The following CDHR1 variants were observed in gnomAD, a reference collection of about 807,000 sequenced individuals.
CDHR1 encodes cadherin related family member 1, also known as cadherin-related family member 1.
CDHR1 carries 61 observed loss-of-function variants against 72.1 expected under a neutral mutation model. That is an observed-to-expected ratio of 0.85 (90% CI 0.69 to 1.05). The LOEUF (loss-of-function observed/expected upper bound fraction) is 1.05. CDHR1 is among the 50% of genes least tolerant of loss of function. CDHR1 has a pLI of 0.00. For missense variants in CDHR1, 1,186 were observed against 1,115.7 expected, an observed-to-expected ratio of 1.06 and a Z score of -0.90; for synonymous variants, 470 against 448.1, an observed-to-expected ratio of 1.05 and a Z score of -0.62.
At position 84,218,012 on chromosome 10, in the gene CDHR1, T is replaced by C; in HGVS notation, c.*3391T>C. The C allele has an allele frequency of 1.0e-6, 1 of 985,484 alleles. No homozygotes were observed. The highest frequency in any genetic ancestry group is 1.2e-6 in the Non-Finnish European group (1 of 829,948). 61.0% of individuals were successfully genotyped at this position (985,484 alleles called of 1,614,324 possible). ...TTCTCTAAGGATTTCGGTGATTCTA[T>C]TTTTAGGGACTGAAGGCGTTGAGGG... On this transcript the variant is annotated 3_prime_UTR_variant, in exon 17 of 17. Coordinates refer to ENST00000623527, the MANE Select transcript of CDHR1 (RefSeq NM_033100.4).
chr10:84,208,360 G>T lies in CDHR1; in HGVS notation c.1150G>T (p.Val384Phe), dbSNP rs150475580. 3.7e-6 allele frequency: 6 copies of T among 1,614,134 alleles called. No individual in the cohort carries two copies. The South Asian group carries it at 6.6e-5, about 18-fold the overall frequency. ...GATCCTGCGGGGCCTCAAGATCACCGTCAATGACTCCGACCAGGTGTGTGG... is the reference window on the plus strand; with the variant it reads ...GATCCTGCGGGGCCTCAAGATCACCTTCAATGACTCCGACCAGGTGTGTGG... The part of the protein sequence containing the change: ...GEILRGLKIT[V>F]NDSDQGANAK... The change falls in exon 11 of 17, where the codon GTC becomes TTC. Residue 384 changes from valine to phenylalanine, a missense_variant. Val to Phe is a conservative substitution (Grantham distance 50). Transcript: ENST00000623527.
chr10:84,214,944 A>C lies in CDHR1; in HGVS notation c.*323A>C. On this transcript the variant is annotated 3_prime_UTR_variant, in exon 17 of 17. Transcript: ENST00000623527. ...GAATTGACGAGAAGCCAGCTCACCC[A>C]TCCCAGACCTCACAGTCCCTCAGGT... 6 of 1,269,768 alleles carry C rather than the reference A, an allele frequency of 4.7e-6. No individual in the cohort carries two copies. The highest frequency in any genetic ancestry group is 3.5e-5 in the Admixed American group (1 of 28,828). The allele number at this position is 1,269,768 out of a possible 1,614,324, so 78.7% of individuals were successfully genotyped here. A position where few individuals can be genotyped will look rare whatever the true frequency, so the allele number is the denominator to read the frequency against.
Position 84,196,666 on chromosome 10 carries a change from G to A in CDHR1, c.297+16G>A. The A allele has an allele frequency of 5.6e-6, 9 of 1,614,136 alleles. No individual in the cohort carries two copies. The highest frequency in any genetic ancestry group is 7.6e-6 in the Non-Finnish European group (9 of 1,180,020). ...GGACAGAGAGGTATGGGGAGGTGTG[G>A]GGAGTGCTGCGGGGCCACTGCCTGT... On this transcript the variant is annotated intron_variant, in intron 3 of 16. Transcript: ENST00000623527.
intron 5 of CDHR1, 149 bp from the exon 6 acceptor site, chr10:84,200,452 C>A (rs559424926): frequency 5.8e-6 from 4 of 684,812 alleles, no homozygotes; most frequent in African/African-American, 1.8e-5. Flanking sequence ...GCCCAGCCCC[C>A]ACTGGGTGCT....
At chr10:84,219,046 A>T, downstream of CDHR1, 1 of 779,668 alleles carries the variant, frequency 1.3e-6, no homozygotes, top group Non-Finnish European at 2.1e-6. Flanking sequence ...ACAGGTGAGA[A>T]CACTAATGTA....
intron 12 of CDHR1, among the ~76,000 whole-genome samples, chr10:84,209,240 G>GA (rs949848452): frequency 2.6e-5 from 4 of 151,860 alleles, no homozygotes; most frequent in African/African-American, 9.7e-5. Context: ...AGCTGAAGAG[G>GA]AAAAAAATAC....
rs1842216995 is a variant in CDHR1 at position 84,205,892 on chromosome 10, C to G, written c.928C>G (p.Gln310Glu). 2 of 1,614,102 alleles carry G rather than the reference C, an allele frequency of 1.2e-6. No homozygotes were observed. Among genetic ancestry groups the G allele is most frequent in the Non-Finnish European group, 1.7e-6 (2 of 1,179,968 alleles). Reference sequence around the variant, plus strand: ...CATCTCCATCACTCAGAGCCCGGCCCAGCTCCAGAGAGAGGTGTATGAGCT... The same window carrying G: ...CATCTCCATCACTCAGAGCCCGGCCGAGCTCCAGAGAGAGGTGTATGAGCT... ...GAISITQSPA[Q>E]LQREVYELHV... Residue 310 changes from glutamine (Q) to glutamate (E), a missense_variant, in exon 10 of 17, where the codon CAG becomes GAG. Gln to Glu is a conservative substitution (Grantham distance 29, BLOSUM62 2). Transcript: ENST00000623527.
At chr10:84,202,896 G>A in intron 7 of CDHR1, 84 bp from the exon 8 acceptor site, 1 of 1,529,208 alleles carries the variant, frequency 6.5e-7, no homozygotes, top group Non-Finnish European at 9.0e-7. Context: ...GCCATAGGTG[G>A]CAGAAGCCAG....
Position 84,213,244 on chromosome 10 carries a change from C to T in CDHR1, c.1936C>T (p.Pro646Ser). 6.2e-7 allele frequency: 1 copy of T among 1,614,250 alleles called. No individual in the cohort carries two copies. The highest frequency in any genetic ancestry group is 8.5e-7 in the Non-Finnish European group (1 of 1,180,048). Residue 646 changes from proline to serine, a missense_variant, in exon 16 of 17, where the codon CCT becomes TCT. Pro to Ser is a moderately conservative substitution (Grantham distance 74). Transcript: ENST00000623527. ...CCTGGATGCCCTGCACAACATCACA[C>T]CTGGAAGGGACTGCCTATGGTCCCT... ...RSLDALHNIT[P>S]GRDCLWSLEV...
chr10:84,199,020 G>A lies in CDHR1; in HGVS notation c.349-12G>A, dbSNP rs1842076760. On this transcript the variant is annotated splice_polypyrimidine_tract_variant and intron_variant, in intron 4 of 16. Coordinates refer to ENST00000623527, the MANE Select transcript of CDHR1 (RefSeq NM_033100.4). ...CATTGCACTGGCTCTTGACCCCTCT[G>A]CCCCTTCTCAGGTGGCCGAAAAAGT... is the stretch of plus-strand genomic sequence containing the variant. 18 of 1,550,810 alleles carry A rather than the reference G, an allele frequency of 1.2e-5. No individual in the cohort carries two copies. The highest frequency in any genetic ancestry group is 1.6e-5 in the Non-Finnish European group (18 of 1,146,238).
intron 12 of CDHR1, among the ~76,000 whole-genome samples, chr10:84,209,983 G>A (rs971295560): frequency 1.3e-5 from 2 of 152,194 alleles, no homozygotes; most frequent in African/African-American, 4.8e-5. Flanking sequence ...ACTTTGGGAG[G>A]CCGAGGGGGA....
chr10:84,219,166 C>T, downstream of CDHR1: 1 of 1,550,270 alleles, frequency 6.5e-7, no homozygotes, highest in Non-Finnish European at 8.7e-7. Context: ...CAAGAAACCA[C>T]ATTCCAGCCA....
At chr10:84,212,901 T>C (rs1015259027) in intron 15 of CDHR1, 190 bp from the exon 16 acceptor site, 10 of 690,524 alleles carry the variant, frequency 1.4e-5, no homozygotes, top group Non-Finnish European at 2.5e-5. Context: ...CTAGCCCATG[T>C]GTAAGACCTA....
rs779290074 is a variant in CDHR1, at chr10:84,211,704, T to A, written c.1542T>A (p.Thr514=). 6.2e-7 allele frequency: 1 copy of A among 1,613,914 alleles called. No homozygotes were observed. Among genetic ancestry groups the A allele is most frequent in the Non-Finnish European group, 8.5e-7 (1 of 1,179,796 alleles). ...AAGTGAAATATTCCACCTATGGGAC[T>A]GGGGCAGACCTGTAAGTAGATCCAG... ...WGEVKYSTYG[T]GADLFLIHPS... The change falls in exon 14 of 17, where the codon ACT becomes ACA. Residue 514 remains threonine, a synonymous_variant. Transcript: ENST00000623527.
At chr10:84,200,801 G>C in intron 6 of CDHR1, 114 bp downstream of exon 6, 1 of 743,340 alleles carries the variant, frequency 1.3e-6, no homozygotes, top group Non-Finnish European at 2.4e-6. Flanking sequence ...TTCCCGAGAA[G>C]TACATGAAGG....
chr10:84,219,081 G>A (rs1459442216), downstream of CDHR1: 1 of 1,021,888 alleles, frequency 9.8e-7, no homozygotes, highest in Admixed American at 2.2e-5. Flanking sequence ...TTTTATAGGT[G>A]AGAAGACTAA....
chr10:84,218,835 G>T, downstream of CDHR1: 8 of 920,082 alleles, frequency 8.7e-6, no homozygotes, highest in Non-Finnish European at 1.1e-5. Flanking sequence ...ATTCCAAATG[G>T]CCCTATGTGC....
At chr10:84,198,745 G>A (rs993604923) in intron 4 of CDHR1, among the ~76,000 whole-genome samples, 7 of 152,210 alleles carry the variant, frequency 4.6e-5, no homozygotes, top group African/African-American at 1.7e-4. Context: ...AGATCATAAA[G>A]TGTTTTTTAA....
rs1842361778 is a variant in CDHR1, at chr10:84,212,954, C to T, written c.1783-137C>T. On this transcript the variant is annotated intron_variant, in intron 15 of 16. Coordinates refer to ENST00000623527, the MANE Select transcript of CDHR1 (RefSeq NM_033100.4). ...AGGAGAGCATGCATTCTGTTCCTTTCCCAACTCAATCCTCTCAAAATAGGA... is the reference window on the plus strand; with the variant it reads ...AGGAGAGCATGCATTCTGTTCCTTTTCCAACTCAATCCTCTCAAAATAGGA... 2.4e-5 allele frequency: 28 copies of T among 1,150,130 alleles called. No homozygotes were observed. The South Asian group carries it at 3.4e-4, about 14-fold the overall frequency. 71.2% of individuals were successfully genotyped at this position (1,150,130 alleles called of 1,614,324 possible). A position where few individuals can be genotyped will look rare whatever the true frequency, so the allele number is the denominator to read the frequency against.
Sources: gnomAD v4.1 joint callset for allele counts (sites outside exome capture counted in the v4.1 genomes callset) on GRCh38, gnomAD v4.1.1 for gene constraint, MANE v1.5 for transcripts, NCBI Gene and HGNC (gene_info 2026-07-23, HGNC 2026-07-21) for gene names.